The following ELK3 variants were observed in gnomAD, a reference collection of about 807,000 sequenced individuals.
ELK3 encodes the protein ETS domain-containing protein Elk-3.
In ELK3, 10 loss-of-function variants were observed where a neutral mutation model predicts 28.9. That is an observed-to-expected ratio of 0.35 (90% CI 0.21 to 0.59). The LOEUF (loss-of-function observed/expected upper bound fraction) is 0.59. Ranked by LOEUF, ELK3 falls within the 20% of genes least tolerant of loss-of-function variation. The pLI is 0.82. For synonymous variants in ELK3, 272 were observed against 243.5 expected (o/e 1.12, Z -1.09); for missense variants, 463 against 517.3 (o/e 0.90, Z 1.02).
intron 2 of ELK3, among the ~76,000 whole-genome samples, chr12:96,246,609 C>T (rs1383547677): frequency 6.6e-6 from 1 of 152,176 alleles, no homozygotes; most frequent in African/African-American, 2.4e-5. Context: ...TGCAGTGAGC[C>T]ATGTTCGTGC....
At chr12:96,238,724 A>G (rs1951800062) in intron 2 of ELK3, among the ~76,000 whole-genome samples, 1 of 152,232 alleles carries the variant, frequency 6.6e-6, no homozygotes, top group Non-Finnish European at 1.5e-5. Context: ...TGGCAGAGGC[A>G]GTTCTATTTC....
intron 1 of ELK3, among the ~76,000 whole-genome samples, chr12:96,204,867 C>T (rs1951530007): frequency 6.6e-6 from 1 of 152,254 alleles, no homozygotes; most frequent in Admixed American, 6.5e-5. Flanking sequence ...TTCCCCTCTT[C>T]ATCCCCTTAT....
In ELK3 at chr12:96,259,166, C is replaced by A. The variant is rs982662338; in HGVS notation, c.1003-565C>A. 2.0e-5 allele frequency among the ~76,000 whole-genome samples: 3 copies of A among 152,158 alleles called. No individual in the cohort carries two copies. In the South Asian group the frequency reaches 6.2e-4, roughly 32 times the overall value. On this transcript the variant is annotated intron_variant, in intron 3 of 4. Coordinates refer to ENST00000228741, the MANE Select transcript of ELK3 (RefSeq NM_005230.4). ...CAAACCATTCGGACGAAAGTTGATA[C>A]AAACTTGAATTTTCCACCAGAATGT... is the stretch of plus-strand genomic sequence containing the variant.
chr12:96,264,715 G>A (rs1034495486), intron 4 of ELK3, among the ~76,000 whole-genome samples: 2 of 152,158 alleles, frequency 1.3e-5, no homozygotes, highest in African/African-American at 4.8e-5. Flanking sequence ...AGCCCTGGAG[G>A]TTGAGGCTGT....
chr12:96,213,372 T>C (rs1471774635), intron 1 of ELK3, among the ~76,000 whole-genome samples: 1 of 152,196 alleles, frequency 6.6e-6, no homozygotes, highest in Non-Finnish European at 1.5e-5. Flanking sequence ...GATCAAGAGG[T>C]ACCCACACGA....
At chr12:96,255,294 C>T (rs1050936972) in intron 3 of ELK3, among the ~76,000 whole-genome samples, 2 of 152,076 alleles carry the variant, frequency 1.3e-5, no homozygotes, top group South Asian at 2.1e-4. Flanking sequence ...GCAGGAAATT[C>T]GGGTGGAAAA....
intron 1 of ELK3, among the ~76,000 whole-genome samples, 192 bp downstream of exon 1, chr12:96,194,897 T>A (rs996877181): frequency 2.2e-5 from 3 of 139,240 alleles, no homozygotes; most frequent in Non-Finnish European, 4.7e-5. Context: ...GCGCCGCGGA[T>A]GCTCCTGCGC....
chr12:96,220,421 CTTG>C (rs1442539590), intron 1 of ELK3, among the ~76,000 whole-genome samples: 82 of 121,166 alleles, frequency 6.8e-4, no homozygotes, highest in Admixed American at 2.2e-3. Flanking sequence ...GAGTTTCGCT[CTTG>C]TTGTCCAGGC....
At chr12:96,255,200 A>C (rs1951938649) in intron 3 of ELK3, among the ~76,000 whole-genome samples, 1 of 152,036 alleles carries the variant, frequency 6.6e-6, no homozygotes, top group Non-Finnish European at 1.5e-5. Context: ...GCCAGAATTG[A>C]GTGTGAGGAA....
rs1393788620 is a variant in ELK3, at chr12:96,199,513, T to A, written c.-3+4808T>A. ...GTGTGTGTGTGTGTGTGTGTGTGTGTGACCTTCTGTGAAATTCTAAATGTC... is the reference window on the plus strand; with the variant it reads ...GTGTGTGTGTGTGTGTGTGTGTGTGAGACCTTCTGTGAAATTCTAAATGTC... On this transcript the variant is annotated intron_variant, in intron 1 of 4. Coordinates refer to ENST00000228741, the MANE Select transcript of ELK3 (RefSeq NM_005230.4). Among the ~76,000 whole-genome samples the A allele has an allele frequency of 2.0e-5, 3 of 150,960 alleles. No individual in the cohort carries two copies. The Admixed American group carries it at 2.0e-4, about 10-fold the overall frequency.
intron 1 of ELK3, among the ~76,000 whole-genome samples, chr12:96,216,385 A>C (rs1420986658): frequency 6.6e-6 from 1 of 152,238 alleles, no homozygotes; most frequent in African/African-American, 2.4e-5. Context: ...TCGGAGAATC[A>C]GTGCCCTAGC....
At chr12:96,261,391 A>G (rs372624448) in intron 4 of ELK3, among the ~76,000 whole-genome samples, 94 of 152,366 alleles carry the variant, frequency 6.2e-4, no homozygotes, top group African/African-American at 2.2e-3. Flanking sequence ...GAAATAGCAA[A>G]AAGCAATGAG....
intron 2 of ELK3, among the ~76,000 whole-genome samples, chr12:96,235,668 C>A (rs1765163703): frequency 6.6e-6 from 1 of 152,124 alleles, no homozygotes; most frequent in South Asian, 2.1e-4. Flanking sequence ...CACTCCCAGA[C>A]CACCTGTGGC....
At chr12:96,199,897 CTG>C (rs1281279676) in intron 1 of ELK3, among the ~76,000 whole-genome samples, 1 of 151,972 alleles carries the variant, frequency 6.6e-6, no homozygotes, top group African/African-American at 2.4e-5. Flanking sequence ...TTGAATTAGA[CTG>C]AAATGAATTT....
At chr12:96,219,572 G>A (rs927523003) in intron 1 of ELK3, among the ~76,000 whole-genome samples, 5 of 152,144 alleles carry the variant, frequency 3.3e-5, no homozygotes, top group Non-Finnish European at 7.4e-5. Flanking sequence ...TATGGAGAGC[G>A]CTGTGGCAGC....
At chr12:96,224,460 T>C (rs1951686133) in intron 2 of ELK3, among the ~76,000 whole-genome samples, 1 of 152,222 alleles carries the variant, frequency 6.6e-6, no homozygotes, top group Non-Finnish European at 1.5e-5. Flanking sequence ...CCATTACATA[T>C]AAGTACTTAG....
chr12:96,220,273 C>T (rs1420438865), intron 1 of ELK3, among the ~76,000 whole-genome samples: 6 of 152,028 alleles, frequency 3.9e-5, no homozygotes, highest in African/African-American at 1.2e-4. Context: ...TCTACCTTTG[C>T]CTGAGGTTAT....
intron 2 of ELK3, among the ~76,000 whole-genome samples, chr12:96,234,832 G>A (rs564917202): frequency 6.6e-6 from 1 of 152,142 alleles, no homozygotes; most frequent in Admixed American, 6.5e-5. Flanking sequence ...GACCCCCAAG[G>A]CCCATGCCTG....
chr12:96,244,858 A>G (rs529216217), intron 2 of ELK3, among the ~76,000 whole-genome samples: 1 of 152,326 alleles, frequency 6.6e-6, no homozygotes, highest in African/African-American at 2.4e-5. Flanking sequence ...GGCACTCGGC[A>G]GAGACGCTGC....
Sources: allele counts gnomAD v4.1 joint callset (sites outside exome capture counted in the v4.1 genomes callset), GRCh38; gene constraint gnomAD v4.1.1; transcripts MANE v1.5; gene names NCBI Gene and HGNC (gene_info 2026-07-23, HGNC 2026-07-21).